MYLK: variants seen among roughly 807,000 people sequenced by gnomAD.
The protein encoded by MYLK is myosin light chain kinase.
In MYLK, 106 loss-of-function variants were observed where a neutral mutation model predicts 203.4. That is an observed-to-expected ratio of 0.52 (90% CI 0.45 to 0.61). The LOEUF (loss-of-function observed/expected upper bound fraction) is 0.61. Ranked by LOEUF, MYLK falls within the 20% of genes least tolerant of loss-of-function variation. The probability of loss-of-function intolerance (pLI) is 0.00; values close to 1 mark genes in which losing one functional copy is unlikely to be tolerated. For missense variants in MYLK, 2,072 were observed against 2,442.3 expected (o/e 0.85, Z 3.20); for synonymous variants, 867 against 959.5 (o/e 0.90, Z 1.78).
At chr3:123,879,673 C>A (rs558818917) in intron 1 of MYLK, among the ~76,000 whole-genome samples, 30 of 152,224 alleles carry the variant, frequency 2.0e-4, no homozygotes, top group African/African-American at 7.0e-4. Flanking sequence ...CTCACACTGT[C>A]GCCTGGGCTG....
chr3:123,859,666 AG>A (rs2031720197), intron 2 of MYLK, among the ~76,000 whole-genome samples: 1 of 152,270 alleles, frequency 6.6e-6, no homozygotes, highest in South Asian at 2.1e-4. Context: ...TAGCTCAAGG[AG>A]TAAAAGACAA....
chr3:123,807,501 T>C (rs1408417635), intron 3 of MYLK, among the ~76,000 whole-genome samples: 1 of 152,174 alleles, frequency 6.6e-6, no homozygotes, highest in East Asian at 1.9e-4. Context: ...ATTTCCAGTG[T>C]AACGAATGTA....
rs117961559 is a variant in MYLK at position 123,648,003 on chromosome 3, T to G, written c.4416-576A>C. On this transcript the variant is annotated intron_variant, in intron 26 of 33. Coordinates refer to ENST00000360304, the MANE Select transcript of MYLK (RefSeq NM_053025.4). This position sits in a 1 kb window ranked among gnomAD's most constrained non-coding sequence, Gnocchi z 4.5. Reference sequence around the variant, plus strand: ...GAGCAGTTGCCTTCCTTCCTTCCACTCCCTACCACTGACCCCCTGGTGATG... The same window carrying G: ...GAGCAGTTGCCTTCCTTCCTTCCACGCCCTACCACTGACCCCCTGGTGATG... Among the ~76,000 whole-genome samples, 304 of 152,252 alleles carry G rather than the reference T, an allele frequency of 2.0e-3. 4 individuals are homozygous for G. The East Asian group carries it at 0.043, about 22-fold the overall frequency.
intron 2 of MYLK, among the ~76,000 whole-genome samples, chr3:123,849,865 GTATATCTCC>G (rs970388976): frequency 9.7e-4 from 148 of 152,178 alleles, no homozygotes; most frequent in African/African-American, 3.4e-3. Context: ...TTTACATTAG[GTATATCTCC>G]TAATGCTATC....
chr3:123,859,121 TA>T (rs1333981248), intron 2 of MYLK, among the ~76,000 whole-genome samples: 1 of 152,178 alleles, frequency 6.6e-6, no homozygotes, highest in South Asian at 2.1e-4. Flanking sequence ...GGGACAACTG[TA>T]AAAAACAGGG....
intron 16 of MYLK, among the ~76,000 whole-genome samples, chr3:123,706,583 G>C (rs1254179552): frequency 6.6e-5 from 10 of 152,150 alleles, no homozygotes; most frequent in Non-Finnish European, 1.0e-4. Context: ...CCCACAGAAG[G>C]CATTCTGTCT....
chr3:123,688,058 T>C (rs2060525356), intron 19 of MYLK, among the ~76,000 whole-genome samples: 2 of 152,122 alleles, frequency 1.3e-5, no homozygotes, highest in African/African-American at 2.4e-5. Context: ...CCCATCTCAC[T>C]GGAGTACTTC....
At chr3:123,765,329 G>A (rs1034956537) in intron 4 of MYLK, among the ~76,000 whole-genome samples, 2 of 152,124 alleles carry the variant, frequency 1.3e-5, no homozygotes, top group African/African-American at 2.4e-5. Flanking sequence ...TCAGGGGTTC[G>A]AGACCAGCCT....
At chr3:123,622,502 C>T (rs968498297) in intron 31 of MYLK, 1 of 152,194 alleles carries the variant, frequency 6.6e-6, no homozygotes, top group Non-Finnish European at 1.5e-5. Context: ...ACTGTCTTCA[C>T]CTGTGTGGTG....
intron 16 of MYLK, 48 bp downstream of exon 16, chr3:123,707,706 A>T: frequency 6.2e-7 from 1 of 1,613,328 alleles, no homozygotes; most frequent in Non-Finnish European, 8.5e-7. Context: ...GGGAGCTAGG[A>T]ATTTGGAGGG....
intron 5 of MYLK, among the ~76,000 whole-genome samples, chr3:123,742,813 G>A (rs993846979): frequency 5.9e-5 from 9 of 152,160 alleles, no homozygotes; most frequent in South Asian, 2.1e-4. Context: ...GTACTAACAC[G>A]TGGTACAACA....
At position 123,701,743 on chromosome 3, in the gene MYLK, C is replaced by T. The variant is rs72626354; in HGVS notation, c.2391-234G>A. Among the ~76,000 whole-genome samples the T allele has an allele frequency of 0.032, 4,890 of 152,254 alleles. 722 individuals are homozygous for T. In the East Asian group the frequency reaches 0.48, roughly 15 times the overall value. On this transcript the variant is annotated intron_variant, in intron 16 of 33. Transcript: ENST00000360304. Reference sequence around the variant, plus strand: ...GAAAAAAAGAATGTCTGGACAACAGCTAAGGCAGGCATCCAGAAATAGGAA... The same window carrying T: ...GAAAAAAAGAATGTCTGGACAACAGTTAAGGCAGGCATCCAGAAATAGGAA...
intron 31 of MYLK, chr3:123,621,868 T>A (rs1397751863): frequency 6.6e-6 from 1 of 152,334 alleles, no homozygotes; most frequent in East Asian, 1.9e-4. Flanking sequence ...GTGGAGGTGA[T>A]GAGGAGGGGA....
chr3:123,805,093 C>T (rs1422098177), intron 3 of MYLK, among the ~76,000 whole-genome samples: 3 of 152,284 alleles, frequency 2.0e-5, no homozygotes, highest in Non-Finnish European at 4.4e-5. Flanking sequence ...TGCCATCACT[C>T]GTTTGGCTCT....
At chr3:123,840,638 A>G (rs2148646522) in intron 2 of MYLK, among the ~76,000 whole-genome samples, 1 of 152,040 alleles carries the variant, frequency 6.6e-6, no homozygotes, top group South Asian at 2.1e-4. Context: ...CTTCATAAAT[A>G]TAAACACAAA....
intron 4 of MYLK, among the ~76,000 whole-genome samples, chr3:123,763,496 A>G (rs948003026): frequency 2.0e-5 from 3 of 152,248 alleles, no homozygotes; most frequent in Non-Finnish European, 4.4e-5. Context: ...TGGCATTTCC[A>G]AAAGTATCCA....
chr3:123,724,586 C>T (rs1347719741), intron 12 of MYLK, among the ~76,000 whole-genome samples: 1 of 152,128 alleles, frequency 6.6e-6, no homozygotes, highest in Non-Finnish European at 1.5e-5. Context: ...CTAGATGGCA[C>T]TTCCTCTTAC....
At chr3:123,655,277 C>T (rs1359595468) in intron 24 of MYLK, among the ~76,000 whole-genome samples, 1 of 152,098 alleles carries the variant, frequency 6.6e-6, no homozygotes, top group Non-Finnish European at 1.5e-5. Flanking sequence ...TTTGCACCTT[C>T]TCCCTCCCCT....
At chr3:123,838,417 G>T (rs1471011277) in intron 2 of MYLK, among the ~76,000 whole-genome samples, 1 of 152,116 alleles carries the variant, frequency 6.6e-6, no homozygotes, top group Non-Finnish European at 1.5e-5. Context: ...AACTTCTTCA[G>T]GCAGAAGGGA....
Sources: allele counts gnomAD v4.1 joint callset (sites outside exome capture counted in the v4.1 genomes callset), GRCh38; gene constraint gnomAD v4.1.1; non-coding constraint Gnocchi (gnomAD v3.1); transcripts MANE v1.5; gene names NCBI Gene and HGNC (gene_info 2026-07-23, HGNC 2026-07-21).